The following FGD5 variants were observed in gnomAD, a reference collection of about 807,000 sequenced individuals.
The protein encoded by FGD5 is FYVE, RhoGEF and PH domain containing 5.
Under a neutral mutation model 133.4 loss-of-function variants are expected in FGD5, and 28 were observed. That is an observed-to-expected ratio of 0.21 (90% CI 0.16 to 0.29). FGD5 has a LOEUF of 0.29. Among genes scored for constraint, FGD5 ranks in the 10% least tolerant of loss-of-function variants. FGD5 has a pLI of 1.00. For synonymous variants in FGD5, 810 were observed against 776.5 expected, an observed-to-expected ratio of 1.04 and a Z score of -0.72; for missense variants, 1,858 against 1,895.2, an observed-to-expected ratio of 0.98 and a Z score of 0.36.
At chr3:14,932,366 A>G in intron 18 of FGD5, 1 of 525,504 alleles carries the variant, frequency 1.9e-6, no homozygotes, top group East Asian at 3.4e-5. Context: ...TACAGGCGTG[A>G]GCCACCACAC....
Position 14,933,297 on chromosome 3 carries a change from A to C in FGD5, c.*130A>C, listed in dbSNP as rs1000313842. On this transcript the variant is annotated 3_prime_UTR_variant, in exon 20 of 20. Coordinates refer to ENST00000285046, the MANE Select transcript of FGD5 (RefSeq NM_152536.4). ...GCAATGAGGCCTGACCTTTTTTGCT[A>C]TAACCGCCCCACCACTCCCCTGCCC... is the stretch of plus-strand genomic sequence containing the variant. 2 of 1,000,942 alleles carry C rather than the reference A, an allele frequency of 2.0e-6. No individual in the cohort carries two copies. The highest frequency in any genetic ancestry group is 4.0e-5 in the Admixed American group (2 of 50,120). The allele number at this position is 1,000,942 out of a possible 1,614,324, so 62.0% of individuals were successfully genotyped here.
intron 2 of FGD5, among the ~76,000 whole-genome samples, chr3:14,875,580 C>T (rs898516579): frequency 2.0e-5 from 3 of 152,082 alleles, no homozygotes; most frequent in South Asian, 2.1e-4. Context: ...TTTCTGTAAG[C>T]GCTGGGAGCC....
At chr3:14,876,521 A>T (rs970850451) in intron 2 of FGD5, among the ~76,000 whole-genome samples, 8 of 152,126 alleles carry the variant, frequency 5.3e-5, no homozygotes, top group East Asian at 1.9e-4. Context: ...TTTTATGCAA[A>T]AAATAAATAA....
Position 14,933,242 on chromosome 3 carries a change from T to C in FGD5, c.*75T>C. The C allele has an allele frequency of 6.5e-7, 1 of 1,537,862 alleles. No individual in the cohort carries two copies. Among genetic ancestry groups the C allele is most frequent in the Non-Finnish European group, 8.9e-7 (1 of 1,123,966 alleles). On this transcript the variant is annotated 3_prime_UTR_variant, in exon 20 of 20. Coordinates refer to ENST00000285046, the MANE Select transcript of FGD5 (RefSeq NM_152536.4). ...ATGCTTTTAGAAGCTAAGCTGTGGC[T>C]CAACTCATCCGGACACACACCTGGA...
intron 2 of FGD5, among the ~76,000 whole-genome samples, chr3:14,869,242 C>G (rs1241197012): frequency 6.6e-6 from 1 of 151,998 alleles, no homozygotes; most frequent in Non-Finnish European, 1.5e-5. Flanking sequence ...TGCAGTGAGC[C>G]AAGATCGAGC....
At chr3:14,860,293 C>T (rs773927612) in intron 1 of FGD5, among the ~76,000 whole-genome samples, 3 of 152,230 alleles carry the variant, frequency 2.0e-5, no homozygotes, top group Non-Finnish European at 1.5e-5. Context: ...TGGGCTTCAG[C>T]GGGGCTTCCT....
At chr3:14,814,459 A>G (rs1222043768), upstream of FGD5, among the ~76,000 whole-genome samples, 1 of 152,036 alleles carries the variant, frequency 6.6e-6, no homozygotes, top group Non-Finnish European at 1.5e-5. Flanking sequence ...TGAGGTCAGG[A>G]GCTCCATCTG....
rs368787670 is a variant in FGD5, at chr3:14,922,474, G to A, written c.3733G>A (p.Val1245Ile). 4.6e-5 allele frequency: 72 copies of A among 1,579,078 alleles called. No individual in the cohort carries two copies. In the South Asian group the frequency reaches 5.9e-4, roughly 13 times the overall value. ...CCCCACCCTGGTGCCTGTCACACAC[G>A]TCATGATGTGCATGAACTGCGGCTG... ...RPPTLVPVTH[V>I]MMCMNCGCDF... The change falls in exon 15 of 20, where the codon GTC (valine) becomes ATC (isoleucine). Residue 1245 changes from valine (V) to isoleucine (I), a missense_variant. By Grantham distance (29) the Val-to-Ile change is conservative. Transcript: ENST00000285046. This position sits in a 1 kb window ranked among gnomAD's most constrained non-coding sequence, Gnocchi z 4.1.
chr3:14,864,406 A>G, intron 2 of FGD5, 146 bp downstream of exon 2: 1 of 1,294,044 alleles, frequency 7.7e-7, no homozygotes, highest in Non-Finnish European at 1.1e-6. Flanking sequence ...GACACGCAGC[A>G]TCAGGGCGCT....
intron 1 of FGD5, among the ~76,000 whole-genome samples, chr3:14,823,109 G>A (rs750830973): frequency 3.3e-5 from 5 of 152,208 alleles, no homozygotes; most frequent in Non-Finnish European, 5.9e-5. Flanking sequence ...ACTCGTGCGA[G>A]CTGCAAGAGG....
intron 1 of FGD5, among the ~76,000 whole-genome samples, chr3:14,836,519 G>A (rs1013577745): frequency 1.3e-5 from 2 of 152,258 alleles, no homozygotes; most frequent in African/African-American, 4.8e-5. Context: ...CGTGAGTGAG[G>A]AGAGTTCATG....
At position 14,901,019 on chromosome 3, in the gene FGD5, C is replaced by G. The variant is rs895880308; in HGVS notation, c.3222C>G (p.Ile1074Met). The G allele has an allele frequency of 6.2e-7, 1 of 1,614,036 alleles. No individual in the cohort carries two copies. Among genetic ancestry groups the G allele is most frequent in the Non-Finnish European group, 8.5e-7 (1 of 1,179,888 alleles). The change falls in exon 9 of 20, where the codon ATC (isoleucine) becomes ATG (methionine). Residue 1074 changes from isoleucine to methionine, a missense_variant. By Grantham distance (10) the Ile-to-Met change is conservative. This residue lies in a region of FGD5 where 1,824 missense variants were observed against 1,848.9 expected (regional missense o/e 0.99). Transcript: ENST00000285046. ...YDNTQGALSL[I>M]SKVTDRANDS... is the part of the protein sequence containing the mutation. Reference sequence around the variant, plus strand: ...CCTCCCCAGGTGCACTGAGCCTCATCTCCAAAGTCACAGACCGTGCCAACG... The same window carrying G: ...CCTCCCCAGGTGCACTGAGCCTCATGTCCAAAGTCACAGACCGTGCCAACG...
intron 2 of FGD5, among the ~76,000 whole-genome samples, chr3:14,865,978 G>T (rs2125106014): frequency 6.6e-6 from 1 of 152,266 alleles, no homozygotes; most frequent in South Asian, 2.1e-4. Context: ...AGAGATAGTT[G>T]CCATCAGAGA....
chr3:14,911,292 G>T (rs747254494), intron 11 of FGD5, among the ~76,000 whole-genome samples: 1 of 152,196 alleles, frequency 6.6e-6, no homozygotes, highest in African/African-American at 2.4e-5. Context: ...CAAGCGTTGT[G>T]ACCCAAGTCC....
intron 2 of FGD5, among the ~76,000 whole-genome samples, chr3:14,876,593 A>G (rs527576477): frequency 3.3e-5 from 5 of 152,344 alleles, no homozygotes; most frequent in African/African-American, 1.2e-4. Context: ...AAAGAGTGAC[A>G]TTTTTACATT....
chr3:14,914,700 C>T (rs1360274368), intron 11 of FGD5, among the ~76,000 whole-genome samples: 2 of 152,176 alleles, frequency 1.3e-5, no homozygotes, highest in Non-Finnish European at 2.9e-5. Context: ...ACTGGAGGGA[C>T]ACTCATCAAG....
chr3:14,926,924 A>T (rs928854008), intron 18 of FGD5, among the ~76,000 whole-genome samples: 14 of 152,152 alleles, frequency 9.2e-5, no homozygotes, highest in Non-Finnish European at 1.6e-4. Flanking sequence ...CCACTGGGAT[A>T]TGCATGTCAG....
chr3:14,839,013 A>G (rs367707008), intron 1 of FGD5, among the ~76,000 whole-genome samples: 1 of 152,358 alleles, frequency 6.6e-6, no homozygotes, highest in East Asian at 1.9e-4. Flanking sequence ...GTGGGTTAGA[A>G]ACAACAGGAA....
intron 1 of FGD5, among the ~76,000 whole-genome samples, chr3:14,839,295 C>T (rs555545504): frequency 2.0e-5 from 3 of 152,282 alleles, no homozygotes; most frequent in South Asian, 2.1e-4. Context: ...ACAGAGCTGT[C>T]GTGAAGGTCA....
Sources: allele counts gnomAD v4.1 joint callset (sites outside exome capture counted in the v4.1 genomes callset), GRCh38; gene constraint gnomAD v4.1.1; regional missense constraint gnomAD v4.1.1; non-coding constraint Gnocchi (gnomAD v3.1); transcripts MANE v1.5; gene names NCBI Gene and HGNC (gene_info 2026-07-23, HGNC 2026-07-21).